The following ITGAE variants were observed in gnomAD, a reference collection of about 807,000 sequenced individuals.
ITGAE encodes the protein integrin subunit alpha E.
In ITGAE, 99 loss-of-function variants were observed where a neutral mutation model predicts 136.5. The observed-to-expected ratio is 0.73, with a 90% CI of 0.62 to 0.86. The LOEUF is 0.86. Ranked by LOEUF, ITGAE falls within the 40% of genes least tolerant of loss-of-function variation. ITGAE has a pLI of 0.00. For synonymous variants in ITGAE, 613 were observed against 591.8 expected, an observed-to-expected ratio of 1.04 and a Z score of -0.52; for missense variants, 1,447 against 1,515.3, an observed-to-expected ratio of 0.95 and a Z score of 0.75.
chr17:3,776,627 C>T (rs1442916888), intron 2 of ITGAE, among the ~76,000 whole-genome samples: 1 of 152,036 alleles, frequency 6.6e-6, no homozygotes, highest in Non-Finnish European at 1.5e-5. Context: ...GGTGCAATCA[C>T]GGCTCCCTAC....
At position 3,725,460 on chromosome 17, in the gene ITGAE, G is replaced by A. The variant is rs773217680; in HGVS notation, c.3085-1716C>T. 5 of 1,614,192 alleles carry A rather than the reference G, an allele frequency of 3.1e-6. No individual in the cohort carries two copies. In the Admixed American group the frequency reaches 5.0e-5, roughly 16 times the overall value. On this transcript the variant is annotated intron_variant, in intron 26 of 30. Transcript: ENST00000263087. The stretch of plus-strand genomic sequence containing the variant: ...AACAATTGCTGATCACACACCCGTA[G>A]CCATAAAAATCATTGCTATTGAAGG...
At position 3,796,023 on chromosome 17, in the gene ITGAE, G is replaced by A. The variant is rs545602738; in HGVS notation, c.34+5088C>T. 6.1e-5 allele frequency among the ~76,000 whole-genome samples: 8 copies of A among 131,496 alleles called. No homozygotes were observed. In the East Asian group the frequency reaches 8.1e-4, roughly 13 times the overall value. 86.3% of individuals were successfully genotyped at this position (131,496 alleles called of 152,430 possible). ...CATCCGTGTGTGCATCCATGTGCGCGTGTGTGCGTGTGCATCCGTGTGTGC... is the reference window on the plus strand; with the variant it reads ...CATCCGTGTGTGCATCCATGTGCGCATGTGTGCGTGTGCATCCGTGTGTGC... On this transcript the variant is annotated intron_variant, in intron 1 of 30. Coordinates refer to ENST00000263087, the MANE Select transcript of ITGAE (RefSeq NM_002208.5).
Position 3,715,072 on chromosome 17 carries a change from C to T in ITGAE, c.3445-130G>A, listed in dbSNP as rs372617968. On this transcript the variant is annotated intron_variant, in intron 30 of 30. Transcript: ENST00000263087. ...TTCTCATACTTACTACTCCCTTCTCCTAACTTACTCTGAATCTCTCCTGGA... is the reference window on the plus strand; with the variant it reads ...TTCTCATACTTACTACTCCCTTCTCTTAACTTACTCTGAATCTCTCCTGGA... 162 of 618,136 alleles carry T rather than the reference C, an allele frequency of 2.6e-4. 1 individual carries two copies. The highest frequency in any genetic ancestry group is 2.3e-3 in the African/African-American group (125 of 54,376). 38.3% of individuals were successfully genotyped at this position (618,136 alleles called of 1,614,324 possible).
rs780486501 is a variant in ITGAE at position 3,716,718 on chromosome 17, CACCAG to C, written c.3409_3413del (p.Leu1137ValfsTer15). 8.7e-6 allele frequency: 14 copies of C among 1,608,408 alleles called. No individual in the cohort carries two copies. Among genetic ancestry groups the C allele is most frequent in the Non-Finnish European group, 1.7e-6 (2 of 1,174,794 alleles). ...ACAGGATGACCAGAATCACGATCAACACCAGAAGTCCACCAACGCTGCCTTTAATG... is the reference window on the plus strand; with the variant it reads ...ACAGGATGACCAGAATCACGATCAACAAGTCCACCAACGCTGCCTTTAATG... On this transcript the variant is annotated frameshift_variant, in exon 30 of 31. Coordinates refer to ENST00000263087, the MANE Select transcript of ITGAE (RefSeq NM_002208.5). LOFTEE classifies it high-confidence loss of function.
At chr17:3,737,635 GTCA>G (rs1218534486) in intron 20 of ITGAE, among the ~76,000 whole-genome samples, 1 of 152,240 alleles carries the variant, frequency 6.6e-6, no homozygotes, top group Non-Finnish European at 1.5e-5. Context: ...AGACCTCAGT[GTCA>G]TCAGAATATT....
At chr17:3,784,568 T>C (rs762777188) in intron 1 of ITGAE, among the ~76,000 whole-genome samples, 7 of 151,972 alleles carry the variant, frequency 4.6e-5, no homozygotes, top group Non-Finnish European at 1.0e-4. Context: ...CTAATTTTTG[T>C]ATTTTTAGTA....
At chr17:3,726,422 A>G in intron 26 of ITGAE, 1 of 836,366 alleles carries the variant, frequency 1.2e-6, no homozygotes, top group Non-Finnish European at 1.9e-6. Flanking sequence ...AGGAGGGTGG[A>G]ACTCCCATTC....
At chr17:3,790,451 G>A (rs976362231) in intron 1 of ITGAE, among the ~76,000 whole-genome samples, 2 of 151,866 alleles carry the variant, frequency 1.3e-5, no homozygotes, top group African/African-American at 4.8e-5. Flanking sequence ...AGGTTGCAGT[G>A]AGCCGAGATC....
At chr17:3,778,500 T>C (rs1485171941) in intron 1 of ITGAE, among the ~76,000 whole-genome samples, 2 of 151,666 alleles carry the variant, frequency 1.3e-5, no homozygotes, top group South Asian at 2.1e-4. Context: ...GAGGCAGAGG[T>C]TGCAGTGAGC....
intron 3 of ITGAE, 112 bp downstream of exon 3, chr17:3,763,757 G>A: frequency 1.2e-6 from 1 of 840,940 alleles, no homozygotes; most frequent in South Asian, 1.4e-5. Context: ...GTCTAGGGGT[G>A]AACGGGCTGG....
chr17:3,797,443 G>A (rs1371108014), intron 1 of ITGAE, among the ~76,000 whole-genome samples: 3 of 148,424 alleles, frequency 2.0e-5, no homozygotes, highest in Non-Finnish European at 3.0e-5. Context: ...GGGATTACAG[G>A]CTTGAGCCAC....
chr17:3,750,564 C>T (rs1185015642), intron 15 of ITGAE, 82 bp from the exon 16 acceptor site: 14 of 1,516,392 alleles, frequency 9.2e-6, no homozygotes, highest in Non-Finnish European at 1.3e-5. Context: ...CTATCCCGAT[C>T]AGCATCGCAG....
chr17:3,734,656 A>G (rs568146167), intron 21 of ITGAE, among the ~76,000 whole-genome samples, 161 bp downstream of exon 21: 1 of 152,266 alleles, frequency 6.6e-6, no homozygotes, highest in Admixed American at 6.5e-5. Flanking sequence ...GGAGGCATGG[A>G]GCCGGACTGG....
At chr17:3,783,248 C>T (rs1432634192) in intron 1 of ITGAE, among the ~76,000 whole-genome samples, 1 of 152,228 alleles carries the variant, frequency 6.6e-6, no homozygotes, top group Non-Finnish European at 1.5e-5. Flanking sequence ...TCAAGCAATT[C>T]TCCTGCCTCA....
intron 26 of ITGAE, chr17:3,724,777 C>A (rs2051166065): frequency 6.2e-7 from 1 of 1,614,022 alleles, no homozygotes; most frequent in African/African-American, 1.3e-5. Context: ...GGAAATGGAC[C>A]AGAGGGTCCA....
chr17:3,774,432 C>A (rs1190742411), intron 2 of ITGAE, among the ~76,000 whole-genome samples: 4 of 151,986 alleles, frequency 2.6e-5, no homozygotes, highest in Non-Finnish European at 5.9e-5. Flanking sequence ...AATACATAAA[C>A]CTTGACCAGA....
chr17:3,758,012 G>A (rs942087397), intron 8 of ITGAE, among the ~76,000 whole-genome samples, 153 bp from the exon 9 acceptor site: 4 of 152,162 alleles, frequency 2.6e-5, no homozygotes, highest in African/African-American at 4.8e-5. Flanking sequence ...CTTAAGTCAC[G>A]CAGCGAGGCT....
rs1274775040 is a variant in ITGAE at position 3,723,317 on chromosome 17, C to T, written c.3208G>A (p.Ala1070Thr). 6.2e-7 allele frequency: 1 copy of T among 1,613,226 alleles called. No individual in the cohort carries two copies. Among genetic ancestry groups the T allele is most frequent in the African/African-American group, 1.3e-5 (1 of 74,928 alleles). Reference protein sequence around the residue: ...ASDKENVTVAAEISWDHSEEL... With the variant: ...ASDKENVTVATEISWDHSEEL... Reference sequence around the variant, plus strand: ...TCAGAGTGATCCCAGGAGATCTCTGCAGCCACGGTGACATTTTCTTTATCT... The same window carrying T: ...TCAGAGTGATCCCAGGAGATCTCTGTAGCCACGGTGACATTTTCTTTATCT... The change falls in exon 28 of 31, where the codon GCA becomes ACA. Residue 1070 changes from alanine to threonine, a missense_variant. Ala to Thr is a moderately conservative substitution (Grantham distance 58). This residue lies in a region of ITGAE where 1,031 missense variants were observed against 1,011.4 expected (regional missense o/e 1.02). Coordinates refer to ENST00000263087, the MANE Select transcript of ITGAE (RefSeq NM_002208.5).
At chr17:3,718,959 T>C (rs999240115) in intron 29 of ITGAE, among the ~76,000 whole-genome samples, 1 of 152,116 alleles carries the variant, frequency 6.6e-6, no homozygotes, top group Non-Finnish European at 1.5e-5. Flanking sequence ...TAGCCGGACA[T>C]GGTGGCTCAT....
Sources: allele counts gnomAD v4.1 joint callset (sites outside exome capture counted in the v4.1 genomes callset), GRCh38; gene constraint gnomAD v4.1.1; regional missense constraint gnomAD v4.1.1; transcripts MANE v1.5; gene names NCBI Gene and HGNC (gene_info 2026-07-23, HGNC 2026-07-21).